IGHMBP2: variants seen among roughly 807,000 people sequenced by gnomAD.
The protein encoded by IGHMBP2 is DNA-binding protein SMUBP-2.
Under a neutral mutation model 96.0 loss-of-function variants are expected in IGHMBP2, and 81 were observed. That is an observed-to-expected ratio of 0.84 (90% CI 0.71 to 1.01). IGHMBP2 has a LOEUF of 1.01. Among genes scored for constraint, IGHMBP2 ranks in the 50% least tolerant of loss-of-function variants. The pLI, the probability that IGHMBP2 is intolerant of heterozygous loss-of-function variation, is 0.00. For missense variants in IGHMBP2, 1,227 were observed against 1,306.3 expected, an observed-to-expected ratio of 0.94 and a Z score of 0.94; for synonymous variants, 557 against 548.9, an observed-to-expected ratio of 1.01 and a Z score of -0.21.
intron 1 of IGHMBP2, among the ~76,000 whole-genome samples, chr11:68,904,244 C>G (rs936943042): frequency 1.3e-5 from 2 of 152,196 alleles, no homozygotes; most frequent in Non-Finnish European, 2.9e-5. Flanking sequence ...CGTTTGGGGA[C>G]CCTTAAGAAG....
intron 13 of IGHMBP2, 151 bp from the exon 14 acceptor site, chr11:68,938,031 T>G: frequency 1.2e-6 from 1 of 801,606 alleles, no homozygotes. Context: ...TTTGAACTCC[T>G]GGCCGCAAGC....
In IGHMBP2 at chr11:68,909,188, A is replaced by C. The variant is rs12791287; in HGVS notation, c.547+557A>C. Among the ~76,000 whole-genome samples, 53 of 53,500 alleles carry C rather than the reference A, an allele frequency of 9.9e-4. 1 individual carries two copies. The highest frequency in any genetic ancestry group is 7.9e-4 in the Admixed American group (5 of 6,362). 35.1% of individuals were successfully genotyped at this position (53,500 alleles called of 152,430 possible). ...AATTTTTTTTTGGCGGGGGGGGTGG[A>C]GGGGGGGGGCGGATGGAGTCTCGCT... On this transcript the variant is annotated intron_variant, in intron 4 of 14. Coordinates refer to ENST00000255078, the MANE Select transcript of IGHMBP2 (RefSeq NM_002180.3).
chr11:68,923,108 G>T (rs1010344790), intron 7 of IGHMBP2, among the ~76,000 whole-genome samples: 2 of 152,156 alleles, frequency 1.3e-5, no homozygotes, highest in Non-Finnish European at 2.9e-5. Context: ...TTGTAGGCCT[G>T]CTAATGTTTG....
In IGHMBP2 at chr11:68,914,990, T is replaced by G; in HGVS notation, c.879T>G (p.Val293=). Residue 293 remains valine, a synonymous_variant, in exon 6 of 15, where the codon GTT becomes GTG. Transcript: ENST00000255078. ...VLARSDSAQI[V]ADIRKDIDQV... is the part of the protein sequence containing the mutation. ...CGCGGAGCGACAGTGCCCAGATTGT[T>G]GCAGATATCAGGAAGGACATCGACC... The G allele has an allele frequency of 1.2e-6, 2 of 1,614,190 alleles. No homozygotes were observed. The highest frequency in any genetic ancestry group is 1.7e-6 in the Non-Finnish European group (2 of 1,180,044).
chr11:68,928,560 CT>C (rs1859155577), intron 7 of IGHMBP2, among the ~76,000 whole-genome samples: 2 of 152,226 alleles, frequency 1.3e-5, no homozygotes, highest in Non-Finnish European at 2.9e-5. Context: ...TGTTATCTCC[CT>C]TTGTGGTGCA....
chr11:68,908,102 G>A (rs780880537), intron 2 of IGHMBP2, 43 bp from the exon 3 acceptor site: 3 of 1,480,518 alleles, frequency 2.0e-6, no homozygotes, highest in Non-Finnish European at 2.8e-6. Context: ...TGATATTGAA[G>A]CTTTCCCCAG....
At chr11:68,934,435 C>G (rs201011965) in intron 10 of IGHMBP2, 29 bp from the exon 11 acceptor site, 2 of 1,542,502 alleles carry the variant, frequency 1.3e-6, no homozygotes, top group Non-Finnish European at 1.8e-6. Context: ...CGACCTTGTG[C>G]TGCTCACCCG....
rs116012780 is a variant in IGHMBP2 at position 68,933,357 on chromosome 11, G to A, written c.1294G>A (p.Ala432Thr). The A allele has an allele frequency of 7.6e-4, 1,218 of 1,613,182 alleles. 8 individuals carry two copies. In the African/African-American group the frequency reaches 0.014, roughly 19 times the overall value. Reference protein sequence around the residue: ...LMERLAEEYGARVVRTLTVQY... With the variant: ...LMERLAEEYGTRVVRTLTVQY... The stretch of plus-strand genomic sequence containing the variant: ...GGAACGCCTGGCTGAGGAGTACGGC[G>A]CGAGGGTGGTGCGGACACTGACGGT... Residue 432 changes from alanine (A) to threonine (T), a missense_variant, in exon 9 of 15, where the codon GCG becomes ACG. Ala to Thr is a moderately conservative substitution (Grantham distance 58). Coordinates refer to ENST00000255078, the MANE Select transcript of IGHMBP2 (RefSeq NM_002180.3).
At chr11:68,935,693 G>T (rs962435432) in intron 12 of IGHMBP2, among the ~76,000 whole-genome samples, 9 of 152,236 alleles carry the variant, frequency 5.9e-5, no homozygotes, top group African/African-American at 2.2e-4. Flanking sequence ...TCCTGCCGAG[G>T]AGGTGAAGCC....
chr11:68,906,789 T>C (rs912815957), intron 2 of IGHMBP2, among the ~76,000 whole-genome samples: 2 of 151,850 alleles, frequency 1.3e-5, no homozygotes, highest in Non-Finnish European at 2.9e-5. Context: ...ATTAGAGGCA[T>C]GCGCCACCGT....
chr11:68,924,123 T>TA (rs1192832222), intron 7 of IGHMBP2, among the ~76,000 whole-genome samples: 5 of 152,300 alleles, frequency 3.3e-5, no homozygotes, highest in Non-Finnish European at 7.4e-5. Flanking sequence ...TCAGTTATTT[T>TA]AAAAAAATTT....
In IGHMBP2 at chr11:68,906,148, C is replaced by T. The variant is rs201649839; in HGVS notation, c.166C>T (p.Arg56Cys). 1.1e-5 allele frequency: 18 copies of T among 1,613,986 alleles called. No homozygotes were observed. In the South Asian group the frequency reaches 1.8e-4, roughly 16 times the overall value. ...GCTGAAGCTGCAGGTATCCAGCCAGCGCACTGGGCTGTACGGACGGCTGCT... is the reference window on the plus strand; with the variant it reads ...GCTGAAGCTGCAGGTATCCAGCCAGTGCACTGGGCTGTACGGACGGCTGCT... ...CLLKLQVSSQ[R>C]TGLYGRLLVT... Residue 56 changes from arginine (R) to cysteine (C), a missense_variant, in exon 2 of 15, where the codon CGC becomes TGC. Transcript: ENST00000255078.
chr11:68,931,196 G>A (rs1015739294), intron 8 of IGHMBP2, among the ~76,000 whole-genome samples: 6 of 152,184 alleles, frequency 3.9e-5, no homozygotes, highest in East Asian at 3.9e-4. Flanking sequence ...GGTGCTGGGA[G>A]CTGAGAGAGG....
At chr11:68,930,567 A>G in intron 8 of IGHMBP2, 3 of 1,168,008 alleles carry the variant, frequency 2.6e-6, no homozygotes, top group South Asian at 1.5e-5. Context: ...TGGGAGACAC[A>G]TGGGGATCTA....
At position 68,939,683 on chromosome 11, in the gene IGHMBP2, T is replaced by C. The variant is rs1594460121; in HGVS notation, c.2934T>C (p.Ser978=). ...QLQRRLDKKL[S]ELSNQRTSRR... ...AGAGGAGGCTGGATAAGAAGCTGAG[T>C]GAGCTCAGCAACCAGAGGACCAGCC... The change falls in exon 15 of 15, where the codon AGT becomes AGC. Residue 978 remains serine, a synonymous_variant. Coordinates refer to ENST00000255078, the MANE Select transcript of IGHMBP2 (RefSeq NM_002180.3). The C allele has an allele frequency of 6.2e-7, 1 of 1,612,404 alleles. No homozygotes were observed. The highest frequency in any genetic ancestry group is 1.7e-4 in the Middle Eastern group (1 of 5,976).
chr11:68,925,170 G>A (rs1261357529), intron 7 of IGHMBP2, among the ~76,000 whole-genome samples: 1 of 134,902 alleles, frequency 7.4e-6, no homozygotes, highest in African/African-American at 2.8e-5. Flanking sequence ...TTTTGAGACA[G>A]CATCTCACTC....
chr11:68,932,736 A>G (rs1015142571), intron 8 of IGHMBP2: 2 of 165,616 alleles, frequency 1.2e-5, no homozygotes, highest in African/African-American at 4.8e-5. Context: ...GTGGCTGACA[A>G]CAACAGATTT....
At chr11:68,937,961 AT>A (rs1178546663) in intron 13 of IGHMBP2, 47 of 585,696 alleles carry the variant, frequency 8.0e-5, no homozygotes, top group Non-Finnish European at 1.1e-4. Context: ...CTGCTTTTTA[AT>A]TTTTTTTAGA....
chr11:68,917,853 T>G lies in IGHMBP2; in HGVS notation c.1030T>G (p.Ser344Ala), dbSNP rs1252323021. 6.2e-7 allele frequency: 1 copy of G among 1,614,134 alleles called. No individual in the cohort carries two copies. Among genetic ancestry groups the G allele is most frequent in the Admixed American group, 1.7e-5 (1 of 60,016 alleles). Residue 344 changes from serine to alanine, a missense_variant, in exon 7 of 15, where the codon TCG becomes GCG. Ser to Ala is a moderately conservative substitution (Grantham distance 99, BLOSUM62 1). This residue lies in a region of IGHMBP2 where 507 missense variants were observed against 496.9 expected (regional missense o/e 1.02). Coordinates refer to ENST00000255078, the MANE Select transcript of IGHMBP2 (RefSeq NM_002180.3). ...EEAAMLESLT[S>A]ANVVLATNTG... Reference sequence around the variant, plus strand: ...AGCAGCTATGCTCGAGAGCCTCACTTCGGCAAACGTGGTCCTTGCAACAAA... The same window carrying G: ...AGCAGCTATGCTCGAGAGCCTCACTGCGGCAAACGTGGTCCTTGCAACAAA...
Sources: allele counts gnomAD v4.1 joint callset (sites outside exome capture counted in the v4.1 genomes callset), GRCh38; gene constraint gnomAD v4.1.1; regional missense constraint gnomAD v4.1.1; transcripts MANE v1.5; gene names NCBI Gene and HGNC (gene_info 2026-07-23, HGNC 2026-07-21).